Variants in RBFOX1 observed in about 807,000 individuals in gnomAD.
RBFOX1 encodes the protein RNA binding fox-1 homolog 1.
A neutral mutation model predicts 57.7 loss-of-function variants in RBFOX1; 8 were observed. The ratio of observed to expected loss-of-function variants is 0.14; its 90% CI spans 0.08 to 0.25. The LOEUF (loss-of-function observed/expected upper bound fraction) is 0.25, where lower values mean the gene tolerates loss of function less well. Ranked by LOEUF, RBFOX1 falls within the 10% of genes least tolerant of loss-of-function variation. The pLI, the probability that RBFOX1 is intolerant of heterozygous loss-of-function variation, is 1.00. For missense variants in RBFOX1, 611 were observed against 548.5 expected, an observed-to-expected ratio of 1.11 and a Z score of -1.14; for synonymous variants, 326 against 222.4, an observed-to-expected ratio of 1.47 and a Z score of -4.15.
chr16:7,420,773 T>C (rs570818576), intron 4 of RBFOX1, among the ~76,000 whole-genome samples: 2 of 151,542 alleles, frequency 1.3e-5, no homozygotes, highest in East Asian at 3.9e-4. Context: ...TTGATCTTTT[T>C]TTTTTCTTAT....
chr16:5,597,889 G>A (rs1236795496), intron 2 of RBFOX1, among the ~76,000 whole-genome samples: 1 of 152,198 alleles, frequency 6.6e-6, no homozygotes, highest in Non-Finnish European at 1.5e-5. Context: ...TGAGTGCTGT[G>A]TTACCTTGGA....
intron 1 of RBFOX1, among the ~76,000 whole-genome samples, chr16:5,338,090 G>A (rs1464219210): frequency 6.6e-6 from 1 of 152,120 alleles, no homozygotes; most frequent in Non-Finnish European, 1.5e-5. Flanking sequence ...AGGGATAGAG[G>A]GTGATCCCAG....
chr16:5,791,673 G>A (rs1433821093), intron 3 of RBFOX1, among the ~76,000 whole-genome samples: 1 of 152,138 alleles, frequency 6.6e-6, no homozygotes, highest in Non-Finnish European at 1.5e-5. Context: ...TTCACATCTG[G>A]CTAACCACAG....
chr16:7,147,154 T>TA (rs1159372659), intron 4 of RBFOX1, among the ~76,000 whole-genome samples: 7 of 142,300 alleles, frequency 4.9e-5, no homozygotes, highest in African/African-American at 1.8e-4. Flanking sequence ...TAATTTTTTT[T>TA]TTTATTTATT....
chr16:7,558,164 G>T (rs1480431227), intron 5 of RBFOX1, among the ~76,000 whole-genome samples: 1 of 152,118 alleles, frequency 6.6e-6, no homozygotes, highest in African/African-American at 2.4e-5. Flanking sequence ...GATCACCCTG[G>T]GAAACATGGC....
At chr16:6,415,088 C>CA (rs2093584006) in intron 2 of RBFOX1, among the ~76,000 whole-genome samples, 1 of 151,608 alleles carries the variant, frequency 6.6e-6, no homozygotes, top group Non-Finnish European at 1.5e-5. Context: ...ACTAAAAATA[C>CA]AAAAATTAGC....
intron 3 of RBFOX1, among the ~76,000 whole-genome samples, chr16:6,910,952 G>C (rs2071415407): frequency 6.6e-6 from 1 of 152,176 alleles, no homozygotes; most frequent in African/African-American, 2.4e-5. Context: ...TGTAATCCCA[G>C]CACTTTGGGA....
At chr16:7,201,201 A>G (rs556718868) in intron 4 of RBFOX1, among the ~76,000 whole-genome samples, 22 of 152,282 alleles carry the variant, frequency 1.4e-4, no homozygotes, top group African/African-American at 5.1e-4. Context: ...AGTCTGGTAT[A>G]TGCACCTCTC....
chr16:7,622,030 T>C (rs2059391236), intron 10 of RBFOX1, among the ~76,000 whole-genome samples: 2 of 152,184 alleles, frequency 1.3e-5, no homozygotes, highest in Admixed American at 6.5e-5. Flanking sequence ...TTGTCAACCA[T>C]TTAAAATCGT....
chr16:5,354,375 T>C (rs2065336359), intron 1 of RBFOX1, among the ~76,000 whole-genome samples: 1 of 152,290 alleles, frequency 6.6e-6, no homozygotes, highest in Middle Eastern at 3.4e-3. Flanking sequence ...ACAGACCGAC[T>C]TGAATTACAA....
intron 2 of RBFOX1, among the ~76,000 whole-genome samples, chr16:6,515,218 T>C (rs1381374190): frequency 1.3e-5 from 2 of 152,208 alleles, no homozygotes; most frequent in East Asian, 1.9e-4. Context: ...TTTCATTATT[T>C]GCACTTTCTA....
chr16:5,274,423 G>A lies in RBFOX1; in HGVS notation c.219+34318G>A, dbSNP rs530549300. On this transcript the variant is annotated intron_variant, in intron 1 of 2. Transcript: ENST00000585867. ...GGGTGCCTGTAGTCCCAGCTACTCTGGAGGCTGAAGCATGAGATTCGCTTG... is the reference window on the plus strand; with the variant it reads ...GGGTGCCTGTAGTCCCAGCTACTCTAGAGGCTGAAGCATGAGATTCGCTTG... Among the ~76,000 whole-genome samples, 4 of 152,322 alleles carry A rather than the reference G, an allele frequency of 2.6e-5. No homozygotes were observed. The East Asian group carries it at 7.7e-4, about 29-fold the overall frequency.
intron 3 of RBFOX1, among the ~76,000 whole-genome samples, chr16:6,916,365 A>T (rs2073156889): frequency 6.6e-6 from 1 of 151,958 alleles, no homozygotes; most frequent in Non-Finnish European, 1.5e-5. Flanking sequence ...GCTGCTTTGG[A>T]CCTCTGTGCA....
At chr16:6,736,626 G>A (rs140819986) in intron 3 of RBFOX1, among the ~76,000 whole-genome samples, 102 of 152,326 alleles carry the variant, frequency 6.7e-4, no homozygotes, top group African/African-American at 2.4e-3. Flanking sequence ...ACATGCATGT[G>A]CAAGTATCTT....
intron 4 of RBFOX1, among the ~76,000 whole-genome samples, chr16:7,254,541 T>G (rs1394981494): frequency 6.6e-6 from 1 of 152,124 alleles, no homozygotes; most frequent in African/African-American, 2.4e-5. Context: ...GTTATTTTAT[T>G]ATTTCTCTAA....
intron 4 of RBFOX1, among the ~76,000 whole-genome samples, chr16:5,924,195 C>A (rs572139246): frequency 6.6e-6 from 1 of 152,260 alleles, no homozygotes; most frequent in East Asian, 1.9e-4. Context: ...GAGGCCTCCC[C>A]AGCCATGTGG....
At chr16:5,399,490 A>G (rs1259741880) in intron 1 of RBFOX1, among the ~76,000 whole-genome samples, 1 of 152,210 alleles carries the variant, frequency 6.6e-6, no homozygotes, top group African/African-American at 2.4e-5. Context: ...CACCATTAAC[A>G]TTTTGGTGAA....
chr16:7,033,271 G>C (rs2043284942), intron 3 of RBFOX1, among the ~76,000 whole-genome samples: 1 of 152,202 alleles, frequency 6.6e-6, no homozygotes, highest in East Asian at 1.9e-4. Context: ...TGTAATCCTA[G>C]AACTTTGGGA....
chr16:5,497,837 A>C (rs1190449906), intron 2 of RBFOX1, among the ~76,000 whole-genome samples: 2 of 152,162 alleles, frequency 1.3e-5, no homozygotes, highest in Non-Finnish European at 2.9e-5. Context: ...CAAGAATAAC[A>C]AAGTGATGAA....
Sources: allele counts gnomAD v4.1 joint callset (sites outside exome capture counted in the v4.1 genomes callset), GRCh38; gene constraint gnomAD v4.1.1; transcripts MANE v1.5; gene names NCBI Gene and HGNC (gene_info 2026-07-23, HGNC 2026-07-21).